The following STX2 variants were observed in gnomAD, a reference collection of about 807,000 sequenced individuals.
The protein encoded by STX2 is syntaxin-2.
A neutral mutation model predicts 40.6 loss-of-function variants in STX2; 27 were observed. That is an observed-to-expected ratio of 0.66 (90% CI 0.49 to 0.92). STX2 has a LOEUF of 0.92. Among genes scored for constraint, STX2 ranks in the 40% least tolerant of loss-of-function variants. STX2 has a pLI of 0.00. For missense variants in STX2, 328 were observed against 366.1 expected, an observed-to-expected ratio of 0.90 and a Z score of 0.85; for synonymous variants, 123 against 119.1, an observed-to-expected ratio of 1.03 and a Z score of -0.22.
At chr12:130,820,764 T>G (rs767434082) in intron 3 of STX2, among the ~76,000 whole-genome samples, 1 of 152,100 alleles carries the variant, frequency 6.6e-6, no homozygotes, top group Non-Finnish European at 1.5e-5. Context: ...ACGAAAGATG[T>G]GCGCGACCCT....
intron 6 of STX2, among the ~76,000 whole-genome samples, 166 bp downstream of exon 6, chr12:130,806,816 A>C (rs1308087597): frequency 6.6e-6 from 1 of 152,274 alleles, no homozygotes; most frequent in Non-Finnish European, 1.5e-5. Flanking sequence ...GACAGGAAGA[A>C]CAGGTTTGCC....
At chr12:130,794,474 A>C (rs899612413) in intron 10 of STX2, among the ~76,000 whole-genome samples, 2 of 152,148 alleles carry the variant, frequency 1.3e-5, no homozygotes, top group Admixed American at 6.5e-5. Context: ...CTGCATGGTG[A>C]GCGTAACAGA....
At chr12:130,803,560 G>A (rs980460072) in intron 6 of STX2, among the ~76,000 whole-genome samples, 2 of 150,774 alleles carry the variant, frequency 1.3e-5, no homozygotes, top group East Asian at 3.9e-4. Context: ...CCAGCTACTC[G>A]AGAGGCTGAG....
intron 2 of STX2, among the ~76,000 whole-genome samples, chr12:130,823,772 C>T (rs1210511083): frequency 6.6e-6 from 1 of 152,186 alleles, no homozygotes; most frequent in Non-Finnish European, 1.5e-5. Context: ...GAAACTGACA[C>T]ACGGATCAAC....
Position 130,839,064 on chromosome 12 carries a change from G to C in STX2, c.30+6C>G, listed in dbSNP as rs1565944749. The C allele has an allele frequency of 2.3e-6, 3 of 1,321,596 alleles. No individual in the cohort carries two copies. Among genetic ancestry groups the C allele is most frequent in the Middle Eastern group, 5.7e-4 (2 of 3,520 alleles). 81.9% of individuals were successfully genotyped at this position (1,321,596 alleles called of 1,614,324 possible). Reference sequence around the variant, plus strand: ...GCCTGAACCGCTACCCGCGGCTGCCGCTCACCGCCGTCAGGTCTGGCAGCC... The same window carrying C: ...GCCTGAACCGCTACCCGCGGCTGCCCCTCACCGCCGTCAGGTCTGGCAGCC... On this transcript the variant is annotated splice_donor_region_variant and intron_variant, in intron 1 of 10. Coordinates refer to ENST00000392373, the MANE Select transcript of STX2 (RefSeq NM_194356.4).
chr12:130,793,024 T>C (rs1950922956), intron 10 of STX2, among the ~76,000 whole-genome samples: 1 of 152,204 alleles, frequency 6.6e-6, no homozygotes, highest in Non-Finnish European at 1.5e-5. Flanking sequence ...TGAGTTCTCT[T>C]TTTGAACAGC....
chr12:130,808,834 T>G (rs1951539197), intron 4 of STX2, 130 bp from the exon 5 acceptor site: 1 of 771,480 alleles, frequency 1.3e-6, no homozygotes, highest in East Asian at 2.6e-5. Flanking sequence ...ACAAGTGACC[T>G]TCTAAAACAA....
intron 2 of STX2, among the ~76,000 whole-genome samples, chr12:130,822,016 AC>A (rs1245929699): frequency 5.9e-4 from 90 of 152,316 alleles, no homozygotes; most frequent in African/African-American, 1.9e-3. Flanking sequence ...CACCGGGAAA[AC>A]CTATCAGGTT....
At chr12:130,799,838 G>C (rs1951159496) in intron 8 of STX2, among the ~76,000 whole-genome samples, 1 of 151,824 alleles carries the variant, frequency 6.6e-6, no homozygotes, top group Non-Finnish European at 1.5e-5. Flanking sequence ...AAATAGGCAT[G>C]GTGCCTGAGT....
Position 130,807,067 on chromosome 12 carries a change from A to C in STX2, c.378T>G (p.Phe126Leu), listed in dbSNP as rs540712331. The change falls in exon 6 of 11, where the codon TTT (phenylalanine) becomes TTG (leucine). Residue 126 changes from phenylalanine (F) to leucine (L), a missense_variant. By Grantham distance (22) the Phe-to-Leu change is conservative. Transcript: ENST00000392373. Reference sequence around the variant, plus strand: ...CATTGTACTCCGCCATGGCTTCCACAAACTTCCGAGACAGCACCGAATGCT... The same window carrying C: ...CATTGTACTCCGCCATGGCTTCCACCAACTTCCGAGACAGCACCGAATGCT... The part of the protein sequence containing the change: ...RTQHSVLSRK[F>L]VEAMAEYNEA... 2 of 1,614,222 alleles carry C rather than the reference A, an allele frequency of 1.2e-6. No homozygotes were observed. The highest frequency in any genetic ancestry group is 3.3e-5 in the Admixed American group (2 of 60,028).
At chr12:130,820,027 TTTC>T (rs1952051824) in intron 3 of STX2, among the ~76,000 whole-genome samples, 2 of 152,190 alleles carry the variant, frequency 1.3e-5, no homozygotes, top group South Asian at 4.1e-4. Flanking sequence ...TTAATACTAC[TTTC>T]TTATTTTTTC....
chr12:130,806,612 T>C (rs892919468), intron 6 of STX2, among the ~76,000 whole-genome samples: 7 of 152,060 alleles, frequency 4.6e-5, no homozygotes, highest in South Asian at 2.1e-4. Flanking sequence ...TCTGGGGCAA[T>C]AGGGCCGCTG....
intron 3 of STX2, among the ~76,000 whole-genome samples, chr12:130,818,872 T>G (rs1952002502): frequency 6.6e-6 from 1 of 152,180 alleles, no homozygotes; most frequent in African/African-American, 2.4e-5. Context: ...AATCCCAGCC[T>G]CGTCGTCACT....
rs552568048 is a variant in STX2 at position 130,806,874 on chromosome 12, T to C, written c.463+108A>G. 7.8e-5 allele frequency: 80 copies of C among 1,031,354 alleles called. No homozygotes were observed. The South Asian group carries it at 9.9e-4, about 13-fold the overall frequency. The allele number at this position is 1,031,354 out of a possible 1,614,324, so 63.9% of individuals were successfully genotyped here. A position where few individuals can be genotyped will look rare whatever the true frequency, so the allele number is the denominator to read the frequency against. On this transcript the variant is annotated intron_variant, in intron 6 of 10. Coordinates refer to ENST00000392373, the MANE Select transcript of STX2 (RefSeq NM_194356.4). Reference sequence around the variant, plus strand: ...CGAGTGGTCTTTGGGTTTTACACTATTGGTGAAAATAGACATGGATTTCCT... The same window carrying C: ...CGAGTGGTCTTTGGGTTTTACACTACTGGTGAAAATAGACATGGATTTCCT...
intron 3 of STX2, 123 bp downstream of exon 3, chr12:130,821,566 G>T (rs376710016): frequency 1.0e-5 from 8 of 777,908 alleles, no homozygotes; most frequent in Non-Finnish European, 4.4e-6. Context: ...ACTCTCTAGG[G>T]TGTCAGCATT....
chr12:130,806,726 GAGCACTCTCCC>G (rs1184470005), intron 6 of STX2, among the ~76,000 whole-genome samples: 1 of 152,130 alleles, frequency 6.6e-6, no homozygotes, highest in Non-Finnish European at 1.5e-5. Flanking sequence ...GGAAATGACT[GAGCACTCTCCC>G]AATCTCCCTG....
chr12:130,807,132 C>G (rs374448079), intron 5 of STX2, 42 bp from the exon 6 acceptor site: 2 of 1,578,678 alleles, frequency 1.3e-6, no homozygotes, highest in Non-Finnish European at 8.7e-7. Flanking sequence ...GAGGGCCATG[C>G]CTTCTACTGA....
intron 5 of STX2, among the ~76,000 whole-genome samples, chr12:130,807,643 T>A (rs1951491075): frequency 6.6e-6 from 1 of 152,200 alleles, no homozygotes; most frequent in Non-Finnish European, 1.5e-5. Context: ...CTCTGGGCAG[T>A]ACCACAAACC....
chr12:130,802,871 T>A (rs1951285355), intron 6 of STX2, among the ~76,000 whole-genome samples: 1 of 152,222 alleles, frequency 6.6e-6, no homozygotes, highest in Non-Finnish European at 1.5e-5. Flanking sequence ...ACATAGTGTA[T>A]AATTCCATTT....
Sources: allele counts gnomAD v4.1 joint callset (sites outside exome capture counted in the v4.1 genomes callset), GRCh38; gene constraint gnomAD v4.1.1; transcripts MANE v1.5; gene names NCBI Gene and HGNC (gene_info 2026-07-23, HGNC 2026-07-21).